The following COPS3 variants were observed in gnomAD, a reference collection of about 807,000 sequenced individuals.
COPS3 encodes COP9 signalosome complex subunit 3.
Under a neutral mutation model 58.2 loss-of-function variants are expected in COPS3, and 10 were observed. The ratio of observed to expected loss-of-function variants is 0.17; its 90% confidence interval spans 0.11 to 0.29. The LOEUF is 0.29. Ranked by LOEUF, COPS3 falls within the 10% of genes least tolerant of loss-of-function variation. COPS3 has a pLI of 1.00. For missense variants in COPS3, 333 were observed against 510.1 expected (o/e 0.65, Z 3.34); for synonymous variants, 187 against 181.7 (o/e 1.03, Z -0.24).
intron 6 of COPS3, among the ~76,000 whole-genome samples, chr17:17,264,153 C>T (rs933322995): frequency 4.6e-5 from 7 of 152,192 alleles, no homozygotes; most frequent in African/African-American, 1.7e-4. Flanking sequence ...CCAACTAAAC[C>T]GAGCTCTCTG....
rs928123877 is a variant in COPS3 at position 17,264,988 on chromosome 17, A to T, written c.442-7T>A. ...ATTTTGCTAGCAAACAAAGCTGTGA[A>T]CAAATTGATATTAAATCATCACTTT... is the stretch of plus-strand genomic sequence containing the variant. On this transcript the variant is annotated splice_polypyrimidine_tract_variant and splice_region_variant and intron_variant, in intron 5 of 11. Coordinates refer to ENST00000268717, the MANE Select transcript of COPS3 (RefSeq NM_003653.4). 28 of 1,606,624 alleles carry T rather than the reference A, an allele frequency of 1.7e-5. No homozygotes were observed. Among genetic ancestry groups the T allele is most frequent in the Non-Finnish European group, 2.2e-5 (26 of 1,178,534 alleles).
chr17:17,251,444 G>A (rs1484829714), intron 9 of COPS3, among the ~76,000 whole-genome samples: 1 of 151,390 alleles, frequency 6.6e-6, no homozygotes, highest in South Asian at 2.1e-4. Flanking sequence ...ACAGGCGCCC[G>A]CCATCATGCC....
Position 17,267,939 on chromosome 17 carries a change from G to A in COPS3, c.387C>T (p.Asp129=), listed in dbSNP as rs773543805. 6.2e-7 allele frequency: 1 copy of A among 1,613,948 alleles called. No homozygotes were observed. Among genetic ancestry groups the A allele is most frequent in the African/African-American group, 1.3e-5 (1 of 74,926 alleles). ...GCTGGTTTGTATTCATCTGCATCTT[G>A]TCTATGGCTTGCTTAAGGATGCCAA... is the stretch of plus-strand genomic sequence containing the variant. ...RGIGILKQAI[D]KMQMNTNQLT... Residue 129 remains aspartate, a synonymous_variant, in exon 5 of 12, where the codon GAC becomes GAT. Transcript: ENST00000268717.
At chr17:17,254,484 C>A (rs528222587) in intron 9 of COPS3, among the ~76,000 whole-genome samples, 2 of 152,168 alleles carry the variant, frequency 1.3e-5, no homozygotes, top group African/African-American at 4.8e-5. Context: ...GTTACTCTTA[C>A]AGTAACAAAA....
chr17:17,258,864 T>C (rs1465526218), intron 8 of COPS3, among the ~76,000 whole-genome samples: 2 of 152,216 alleles, frequency 1.3e-5, no homozygotes, highest in Non-Finnish European at 2.9e-5. Flanking sequence ...AAATTAACTT[T>C]TTACAAATTC....
At chr17:17,263,759 C>T (rs999988962) in intron 6 of COPS3, among the ~76,000 whole-genome samples, 10 of 152,096 alleles carry the variant, frequency 6.6e-5, no homozygotes, top group Admixed American at 3.3e-4. Context: ...GGTGATCCGC[C>T]GGCCTCGGCC....
intron 1 of COPS3, chr17:17,280,503 T>G: frequency 8.6e-7 from 1 of 1,162,686 alleles, no homozygotes; most frequent in Non-Finnish European, 1.1e-6. Context: ...GAGGTTGCAG[T>G]GAGCCGAGAT....
At chr17:17,265,153 G>A (rs2048192703) in intron 5 of COPS3, among the ~76,000 whole-genome samples, 172 bp from the exon 6 acceptor site, 1 of 152,124 alleles carries the variant, frequency 6.6e-6, no homozygotes, top group Admixed American at 6.6e-5. Flanking sequence ...TATCTGAAAT[G>A]CTTAGGACCA....
intron 1 of COPS3, among the ~76,000 whole-genome samples, chr17:17,277,430 T>C (rs1335377241): frequency 1.3e-5 from 2 of 152,190 alleles, no homozygotes; most frequent in Admixed American, 1.3e-4. Flanking sequence ...TTTTGTTTTG[T>C]TTTTTGAGAC....
intron 5 of COPS3, among the ~76,000 whole-genome samples, chr17:17,266,283 A>G (rs1171421657): frequency 2.0e-5 from 3 of 152,256 alleles, no homozygotes; most frequent in Admixed American, 1.3e-4. Context: ...AGCAAGCTAC[A>G]TAAGAGTATG....
At chr17:17,275,117 G>C (rs2048434466) in intron 2 of COPS3, among the ~76,000 whole-genome samples, 1 of 147,768 alleles carries the variant, frequency 6.8e-6, no homozygotes, top group Non-Finnish European at 1.5e-5. Flanking sequence ...TTTTGAGAGA[G>C]TCTCCCTCTG....
At chr17:17,248,774 C>T (rs1349523518) in intron 10 of COPS3, 152 bp downstream of exon 10, 14 of 574,000 alleles carry the variant, frequency 2.4e-5, no homozygotes. Context: ...CCTTAAGCAG[C>T]CCATTTTGAA....
chr17:17,268,835 C>T (rs969229745), intron 4 of COPS3, among the ~76,000 whole-genome samples: 7 of 145,804 alleles, frequency 4.8e-5, no homozygotes, highest in African/African-American at 1.9e-4. Flanking sequence ...ACAACAACAA[C>T]AACAACAACA....
At chr17:17,252,790 G>A (rs552288780) in intron 9 of COPS3, among the ~76,000 whole-genome samples, 35 of 152,320 alleles carry the variant, frequency 2.3e-4, no homozygotes, top group Non-Finnish European at 4.6e-4. Flanking sequence ...AGCTTATTCT[G>A]TGTAACCCCT....
At chr17:17,276,464 T>C (rs796824672) in intron 1 of COPS3, among the ~76,000 whole-genome samples, 17 of 152,316 alleles carry the variant, frequency 1.1e-4, no homozygotes, top group African/African-American at 4.1e-4. Flanking sequence ...AACAGCTCTC[T>C]GCATCCAAAT....
chr17:17,268,257 T>G (rs2048270602), intron 4 of COPS3, among the ~76,000 whole-genome samples: 1 of 152,120 alleles, frequency 6.6e-6, no homozygotes, highest in Non-Finnish European at 1.5e-5. Context: ...AGTATTACTT[T>G]CTCAACAGTT....
Position 17,261,265 on chromosome 17 carries a change from G to A in COPS3, c.762+701C>T, listed in dbSNP as rs149689666. 1.6e-3 allele frequency among the ~76,000 whole-genome samples: 244 copies of A among 152,148 alleles called. 1 individual carries two copies. Among genetic ancestry groups the A allele is most frequent in the East Asian group, 0.015 (77 of 5,180 alleles). On this transcript the variant is annotated intron_variant, in intron 7 of 11. Transcript: ENST00000268717. ...GACAGGGCCGGGCATGGTGGCTCAC[G>A]CCTGTAATCCCAGCACTTTGGGAGG...
At chr17:17,251,971 A>G (rs2145190560) in intron 9 of COPS3, among the ~76,000 whole-genome samples, 1 of 152,144 alleles carries the variant, frequency 6.6e-6, no homozygotes, top group East Asian at 1.9e-4. Context: ...CGGGAGGCTG[A>G]GGCAGGAGAA....
At chr17:17,280,385 A>G (rs983120013) in intron 1 of COPS3, among the ~76,000 whole-genome samples, 7 of 148,196 alleles carry the variant, frequency 4.7e-5, no homozygotes, top group Non-Finnish European at 8.9e-5. Context: ...CCTGGGAGAC[A>G]GTGAGACTCC....
Sources: gnomAD v4.1 joint callset for allele counts (sites outside exome capture counted in the v4.1 genomes callset) on GRCh38, gnomAD v4.1.1 for gene constraint, MANE v1.5 for transcripts, NCBI Gene and HGNC (gene_info 2026-07-23, HGNC 2026-07-21) for gene names.